Variants in SNTG2 observed in about 807,000 individuals in gnomAD.
The protein encoded by SNTG2 is gamma-2-syntrophin.
Under a neutral mutation model 70.9 loss-of-function variants are expected in SNTG2, and 74 were observed. That is an observed-to-expected ratio of 1.04 (90% CI 0.86 to 1.27). The LOEUF (loss-of-function observed/expected upper bound fraction) is 1.27, where lower values mean the gene tolerates loss of function less well. SNTG2 is among the 50% of genes most tolerant of loss of function. The probability of loss-of-function intolerance (pLI) is 0.00; values close to 1 mark genes in which losing one functional copy is unlikely to be tolerated. For synonymous variants in SNTG2, 278 were observed against 273.8 expected, an observed-to-expected ratio of 1.02 and a Z score of -0.15; for missense variants, 717 against 690.7, an observed-to-expected ratio of 1.04 and a Z score of -0.43.
chr2:992,737 T>C (rs1661543337), intron 1 of SNTG2, among the ~76,000 whole-genome samples: 1 of 152,222 alleles, frequency 6.6e-6, no homozygotes, highest in African/African-American at 2.4e-5. Flanking sequence ...TGCCAACATA[T>C]TGTCTCTTTG....
chr2:1,255,885 A>ATATAAAT (rs1678059643), intron 12 of SNTG2, among the ~76,000 whole-genome samples: 1 of 90,478 alleles, frequency 1.1e-5, no homozygotes. Flanking sequence ...TATATATATA[A>ATATAAAT]ATATATATAA....
At chr2:965,203 C>T (rs1572170741) in intron 1 of SNTG2, among the ~76,000 whole-genome samples, 1 of 17,908 alleles carries the variant, frequency 5.6e-5, no homozygotes, top group South Asian at 2.1e-3. Context: ...AGTCCTCCTC[C>T]TGGTCCCCAA....
chr2:1,156,197 G>A (rs1270623593), intron 6 of SNTG2, among the ~76,000 whole-genome samples: 4 of 152,194 alleles, frequency 2.6e-5, no homozygotes, highest in African/African-American at 4.8e-5. Flanking sequence ...TGAAGGGAAG[G>A]AAGCCACATA....
At chr2:1,132,299 G>C (rs924726067) in intron 4 of SNTG2, among the ~76,000 whole-genome samples, 1 of 151,738 alleles carries the variant, frequency 6.6e-6, no homozygotes, top group South Asian at 2.1e-4. Flanking sequence ...TGATAGGTTT[G>C]ACAGCATGCA....
chr2:1,272,358 A>G (rs1480480227), intron 14 of SNTG2, among the ~76,000 whole-genome samples: 1 of 149,588 alleles, frequency 6.7e-6, no homozygotes, highest in Admixed American at 6.7e-5. Flanking sequence ...GTGAGAATCT[A>G]ATACTTCTGC....
At chr2:1,028,635 A>G (rs181285019) in intron 1 of SNTG2, among the ~76,000 whole-genome samples, 7 of 151,748 alleles carry the variant, frequency 4.6e-5, no homozygotes, top group Non-Finnish European at 1.0e-4. Flanking sequence ...ATCTTTCCTT[A>G]TGCTTTACTC....
At chr2:1,346,221 TC>T (rs138386472) in intron 16 of SNTG2, among the ~76,000 whole-genome samples, 30,415 of 80,144 alleles carry the variant, frequency 0.38, 8,102 homozygotes, top group African/African-American at 0.54. Context: ...CTGGCACTTT[TC>T]CCCCTGTTCT....
At chr2:1,058,216 A>G (rs1228554188) in intron 1 of SNTG2, among the ~76,000 whole-genome samples, 1 of 152,036 alleles carries the variant, frequency 6.6e-6, no homozygotes, top group East Asian at 1.9e-4. Flanking sequence ...AGTTTTTTGA[A>G]AAAAAAAGAT....
intron 1 of SNTG2, among the ~76,000 whole-genome samples, chr2:960,665 C>T (rs1572165787): frequency 6.9e-6 from 1 of 145,026 alleles, no homozygotes; most frequent in African/African-American, 2.6e-5. Flanking sequence ...GGTGCTCCTA[C>T]TGCCTGCTCA....
At chr2:1,308,679 C>A in intron 15 of SNTG2, 93 bp downstream of exon 15, 1 of 1,047,780 alleles carries the variant, frequency 9.5e-7, no homozygotes, top group Non-Finnish European at 1.4e-6. Context: ...TGGTAGAAGC[C>A]ACCAACCTTG....
chr2:960,540 G>C lies in SNTG2; in HGVS notation c.72+9472G>C, dbSNP rs566996479. Reference sequence around the variant, plus strand: ...CGTGGAGGAGCTGGGAGCACGGTGAGCTCTGAGGGTTCCGGGGCACGGCTA... The same window carrying C: ...CGTGGAGGAGCTGGGAGCACGGTGACCTCTGAGGGTTCCGGGGCACGGCTA... On this transcript the variant is annotated intron_variant, in intron 1 of 16. Coordinates refer to ENST00000308624, the MANE Select transcript of SNTG2 (RefSeq NM_018968.4). 2.0e-5 allele frequency among the ~76,000 whole-genome samples: 3 copies of C among 152,318 alleles called. No homozygotes were observed. The East Asian group carries it at 5.8e-4, about 29-fold the overall frequency.
At chr2:1,276,963 C>G (rs947659185) in intron 14 of SNTG2, among the ~76,000 whole-genome samples, 3 of 151,942 alleles carry the variant, frequency 2.0e-5, no homozygotes, top group Non-Finnish European at 2.9e-5. Context: ...AGCAAGAGGA[C>G]AAAAATAAAA....
chr2:1,130,419 TAATAA>T (rs922873196), intron 4 of SNTG2, among the ~76,000 whole-genome samples: 26 of 152,340 alleles, frequency 1.7e-4, no homozygotes, highest in African/African-American at 6.0e-4. Flanking sequence ...ATATTTTACA[TAATAA>T]AATCTTTTTT....
Position 1,367,536 on chromosome 2 carries a change from C to G in SNTG2, c.*62C>G, listed in dbSNP as rs898002365. 2 of 1,518,452 alleles carry G rather than the reference C, an allele frequency of 1.3e-6. No individual in the cohort carries two copies. Among genetic ancestry groups the G allele is most frequent in the Non-Finnish European group, 1.8e-6 (2 of 1,124,978 alleles). 94.1% of individuals were successfully genotyped at this position (1,518,452 alleles called of 1,614,324 possible). Reference sequence around the variant, plus strand: ...TTTCGTAAGAAATGATTCTTTCCTGCAGAATATTGCAACTTTGTGTTGTTT... The same window carrying G: ...TTTCGTAAGAAATGATTCTTTCCTGGAGAATATTGCAACTTTGTGTTGTTT... On this transcript the variant is annotated 3_prime_UTR_variant, in exon 17 of 17. Coordinates refer to ENST00000308624, the MANE Select transcript of SNTG2 (RefSeq NM_018968.4).
At chr2:1,324,849 T>C (rs1469218843) in intron 16 of SNTG2, among the ~76,000 whole-genome samples, 3 of 152,244 alleles carry the variant, frequency 2.0e-5, no homozygotes, top group African/African-American at 7.2e-5. Context: ...TTAGACTCTT[T>C]AAAGACTCTT....
At chr2:1,205,818 C>T (rs960099759) in intron 8 of SNTG2, among the ~76,000 whole-genome samples, 2 of 152,146 alleles carry the variant, frequency 1.3e-5, no homozygotes, top group East Asian at 1.9e-4. Flanking sequence ...TTTTGATTGA[C>T]AATCTTATAA....
intron 12 of SNTG2, among the ~76,000 whole-genome samples, chr2:1,255,777 T>C: frequency 9.7e-6 from 1 of 103,360 alleles, no homozygotes; most frequent in African/African-American, 3.1e-5. Flanking sequence ...ATCTTCTAAT[T>C]ATATGTGTGT....
At chr2:1,143,536 G>A (rs1308941208) in intron 6 of SNTG2, among the ~76,000 whole-genome samples, 1 of 151,822 alleles carries the variant, frequency 6.6e-6, no homozygotes. Context: ...ACCAAGTTGG[G>A]ATTGCTGGAA....
chr2:1,005,845 AT>A (rs1659551961), intron 1 of SNTG2, among the ~76,000 whole-genome samples: 1 of 20,898 alleles, frequency 4.8e-5, no homozygotes, highest in South Asian at 1.9e-3. Context: ...ATATATATAT[AT>A]ATATATATAT....
Sources: allele counts gnomAD v4.1 joint callset (sites outside exome capture counted in the v4.1 genomes callset), GRCh38; gene constraint gnomAD v4.1.1; transcripts MANE v1.5; gene names NCBI Gene and HGNC (gene_info 2026-07-23, HGNC 2026-07-21).